The following PIEZO2 variants were observed in gnomAD, a reference collection of about 807,000 sequenced individuals.
The protein encoded by PIEZO2 is piezo-type mechanosensitive ion channel component 2.
A neutral mutation model predicts 337.3 loss-of-function variants in PIEZO2; 172 were observed. The observed-to-expected ratio is 0.51, with a 90% CI of 0.45 to 0.58. PIEZO2 has a LOEUF of 0.58. Among genes scored for constraint, PIEZO2 ranks in the 20% least tolerant of loss-of-function variants. PIEZO2 has a pLI of 0.00. For missense variants in PIEZO2, 3,028 were observed against 3,391.3 expected, an observed-to-expected ratio of 0.89 and a Z score of 2.66; for synonymous variants, 1,251 against 1,228.5, an observed-to-expected ratio of 1.02 and a Z score of -0.38.
Position 10,682,261 on chromosome 18 carries a change from T to G in PIEZO2, c.7529A>C (p.Lys2510Thr). Residue 2510 changes from lysine to threonine, a missense_variant, in exon 50 of 56, where the codon AAG becomes ACG. Lys to Thr is a moderately conservative substitution (Grantham distance 78). Coordinates refer to ENST00000674853, the MANE Select transcript of PIEZO2 (RefSeq NM_001378183.1). This position sits in a 1 kb window ranked among gnomAD's most constrained non-coding sequence, Gnocchi z 5.6. Reference protein sequence around the residue: ...RYPQPRGQKKKKVVKYGMGGM... With the variant: ...RYPQPRGQKKTKVVKYGMGGM... The stretch of plus-strand genomic sequence containing the variant: ...TCCCATGCCATACTTCACCACTTTC[T>G]TCTTCTTCTGGCCCCGTGGCTGAGG... The G allele has an allele frequency of 6.5e-7, 1 of 1,537,118 alleles. No homozygotes were observed. The highest frequency in any genetic ancestry group is 8.7e-7 in the Non-Finnish European group (1 of 1,146,832).
chr18:10,725,351 C>T (rs2036490058), intron 36 of PIEZO2: 6 of 1,605,780 alleles, frequency 3.7e-6, no homozygotes, highest in Non-Finnish European at 5.1e-6. Flanking sequence ...TGAGTGAAGA[C>T]CTGCTGTCCC....
At position 11,145,612 on chromosome 18, in the gene PIEZO2, A is replaced by T. The variant is rs572836064; in HGVS notation, c.64+2913T>A. On this transcript the variant is annotated intron_variant, in intron 1 of 55. Coordinates refer to ENST00000674853, the MANE Select transcript of PIEZO2 (RefSeq NM_001378183.1). ...GCAGACCTTTGCACTCACTATGCGC[A>T]GGAGAGAAACCTGAATATTTGACTT... is the stretch of plus-strand genomic sequence containing the variant. Among the ~76,000 whole-genome samples the T allele has an allele frequency of 5.3e-5, 8 of 152,346 alleles. No homozygotes were observed. The South Asian group carries it at 1.0e-3, about 20-fold the overall frequency.
At chr18:11,051,769 T>C (rs926349212) in intron 2 of PIEZO2, among the ~76,000 whole-genome samples, 1 of 152,326 alleles carries the variant, frequency 6.6e-6, no homozygotes, top group East Asian at 1.9e-4. Flanking sequence ...GATGTTTCTG[T>C]AGTTCTTGTT....
intron 8 of PIEZO2, among the ~76,000 whole-genome samples, chr18:10,806,321 A>G (rs143744766): frequency 1.3e-4 from 20 of 152,298 alleles, no homozygotes; most frequent in African/African-American, 4.6e-4. Flanking sequence ...TCATGTGTCA[A>G]TAAGCAACCT....
chr18:10,845,133 T>C (rs1428552108), intron 7 of PIEZO2, among the ~76,000 whole-genome samples: 1 of 151,982 alleles, frequency 6.6e-6, no homozygotes, highest in East Asian at 1.9e-4. Context: ...CAAATATTAA[T>C]CCATTTAATA....
chr18:10,807,085 A>G (rs2040023793), intron 8 of PIEZO2, 27 bp downstream of exon 8: 1 of 1,524,134 alleles, frequency 6.6e-7, no homozygotes, highest in African/African-American at 1.4e-5. Context: ...TTTGCAGACA[A>G]GATCATGAAA....
At chr18:10,892,561 A>G (rs969975143) in intron 4 of PIEZO2, among the ~76,000 whole-genome samples, 4 of 151,832 alleles carry the variant, frequency 2.6e-5, no homozygotes, top group African/African-American at 9.7e-5. Flanking sequence ...GTGGTGGTTA[A>G]ATGATTGTGT....
At chr18:10,986,842 A>G (rs1279961407) in intron 2 of PIEZO2, among the ~76,000 whole-genome samples, 2 of 152,044 alleles carry the variant, frequency 1.3e-5, no homozygotes, top group East Asian at 3.8e-4. Context: ...CAAAAAAACT[A>G]TTAGAACTAA....
intron 49 of PIEZO2, among the ~76,000 whole-genome samples, chr18:10,687,762 T>G (rs2034612448): frequency 6.6e-6 from 1 of 152,088 alleles, no homozygotes; most frequent in Non-Finnish European, 1.5e-5. Flanking sequence ...AGCCTGGGCT[T>G]GTCTCCCTAA....
At chr18:11,086,687 T>G (rs1373963903) in intron 1 of PIEZO2, among the ~76,000 whole-genome samples, 1 of 152,038 alleles carries the variant, frequency 6.6e-6, no homozygotes, top group Admixed American at 6.6e-5. Context: ...ACTACTATAT[T>G]GTGATAATGG....
rs993711856 is a variant in PIEZO2 at position 11,069,777 on chromosome 18, C to T, written c.65-3555G>A. Among the ~76,000 whole-genome samples the T allele has an allele frequency of 1.3e-5, 2 of 152,078 alleles. No homozygotes were observed. The highest frequency in any genetic ancestry group is 1.5e-5 in the Non-Finnish European group (1 of 68,002). On this transcript the variant is annotated intron_variant, in intron 1 of 55. Transcript: ENST00000674853. This position sits in a 1 kb window ranked among gnomAD's most constrained non-coding sequence, Gnocchi z 4.9. ...GACATGATCTTATATTAAGAAAACCCTAAAGATTCAACCAAAAAATTGTTA... is the reference window on the plus strand; with the variant it reads ...GACATGATCTTATATTAAGAAAACCTTAAAGATTCAACCAAAAAATTGTTA...
intron 3 of PIEZO2, among the ~76,000 whole-genome samples, chr18:10,946,775 A>G (rs570313784): frequency 2.0e-5 from 3 of 152,332 alleles, no homozygotes; most frequent in South Asian, 2.1e-4. Flanking sequence ...CTAGAATCTC[A>G]TAATACAATA....
In PIEZO2 at chr18:11,112,474, T is replaced by C. The variant is rs1203957174; in HGVS notation, c.64+36051A>G. On this transcript the variant is annotated intron_variant, in intron 1 of 55. Transcript: ENST00000674853. This position sits in a 1 kb window ranked among gnomAD's most constrained non-coding sequence, Gnocchi z 4.3. ...ACTCCAACTCCATCATTTATTTACA[T>C]GGAACTACTGAGAGTCAAGTCTCCA... Among the ~76,000 whole-genome samples the C allele has an allele frequency of 6.6e-6, 1 of 152,224 alleles. No individual in the cohort carries two copies. Among genetic ancestry groups the C allele is most frequent in the East Asian group, 1.9e-4 (1 of 5,190 alleles).
At chr18:11,106,163 T>C (rs1397817560) in intron 1 of PIEZO2, among the ~76,000 whole-genome samples, 3 of 152,194 alleles carry the variant, frequency 2.0e-5, no homozygotes, top group African/African-American at 7.2e-5. Context: ...CTGGGCTCAC[T>C]GCAAGCTCCG....
chr18:11,030,944 C>A (rs572094092), intron 2 of PIEZO2, among the ~76,000 whole-genome samples: 1 of 152,276 alleles, frequency 6.6e-6, no homozygotes, highest in African/African-American at 2.4e-5. Flanking sequence ...ATTTGCAAAG[C>A]AATCTCGAGT....
intron 49 of PIEZO2, among the ~76,000 whole-genome samples, chr18:10,689,234 CA>C (rs1357198357): frequency 6.6e-6 from 1 of 152,086 alleles, no homozygotes. Context: ...CAGATATTTG[CA>C]CTTCAATTTT....
At chr18:11,145,325 A>G (rs2040782169) in intron 1 of PIEZO2, among the ~76,000 whole-genome samples, 1 of 151,282 alleles carries the variant, frequency 6.6e-6, no homozygotes, top group African/African-American at 2.4e-5. Context: ...GAGTTCACTT[A>G]TCACTTCTCT....
chr18:10,803,228 A>G (rs1251843666), intron 9 of PIEZO2, among the ~76,000 whole-genome samples: 2 of 152,228 alleles, frequency 1.3e-5, no homozygotes, highest in African/African-American at 4.8e-5. Flanking sequence ...AGTGAGTTAC[A>G]GGTATCGAAC....
chr18:11,061,543 G>A (rs1184782513), intron 2 of PIEZO2, among the ~76,000 whole-genome samples: 1 of 152,164 alleles, frequency 6.6e-6, no homozygotes, highest in East Asian at 1.9e-4. Context: ...AAGCTGATAG[G>A]CAACTTCAGC....
Sources: allele counts gnomAD v4.1 joint callset (sites outside exome capture counted in the v4.1 genomes callset), GRCh38; gene constraint gnomAD v4.1.1; non-coding constraint Gnocchi (gnomAD v3.1); transcripts MANE v1.5; gene names NCBI Gene and HGNC (gene_info 2026-07-23, HGNC 2026-07-21).